Variants in DCP1B observed in about 807,000 individuals in gnomAD.
The protein encoded by DCP1B is mRNA-decapping enzyme 1B.
In DCP1B, 47 loss-of-function variants were observed where a neutral mutation model predicts 60.5. The ratio of observed to expected loss-of-function variants is 0.78; its 90% CI spans 0.61 to 0.99. The LOEUF is 0.99. Among genes scored for constraint, DCP1B ranks in the 50% least tolerant of loss-of-function variants. The probability of loss-of-function intolerance (pLI) is 0.00; values close to 1 mark genes in which losing one functional copy is unlikely to be tolerated. For missense variants in DCP1B, 725 were observed against 756.8 expected (o/e 0.96, Z 0.49); for synonymous variants, 267 against 280.3 (o/e 0.95, Z 0.47).
chr12:1,978,051 G>A (rs1349813621), intron 3 of DCP1B, among the ~76,000 whole-genome samples: 1 of 152,204 alleles, frequency 6.6e-6, no homozygotes, highest in East Asian at 1.9e-4. Context: ...TGACTCTCAA[G>A]AGAGAAGTGG....
chr12:1,978,570 T>TAA (rs1037584251), intron 3 of DCP1B, among the ~76,000 whole-genome samples: 1 of 152,222 alleles, frequency 6.6e-6, no homozygotes, highest in African/African-American at 2.4e-5. Context: ...GCACAGATCT[T>TAA]AAAGTGTTCT....
chr12:1,945,321 T>C (rs1471334608), downstream of DCP1B, among the ~76,000 whole-genome samples: 24 of 152,192 alleles, frequency 1.6e-4, no homozygotes, highest in Non-Finnish European at 2.9e-5. Flanking sequence ...CGCTTTTACA[T>C]TGTTGTTGGG....
At position 1,955,421 on chromosome 12, in the gene DCP1B, G is replaced by T; in HGVS notation, c.651+11C>A. 1 of 1,610,650 alleles carries T rather than the reference G, an allele frequency of 6.2e-7. No homozygotes were observed. The highest frequency in any genetic ancestry group is 1.1e-5 in the South Asian group (1 of 90,466). On this transcript the variant is annotated intron_variant, in intron 6 of 8. Coordinates refer to ENST00000280665, the MANE Select transcript of DCP1B (RefSeq NM_152640.5). ...AGACACACTGAATATGACAAGCAGA[G>T]AACTCCGTACCTGGTTGGGCTGAGG...
chr12:1,993,435 C>G, intron 2 of DCP1B, 44 bp from the exon 3 acceptor site: 1 of 1,592,180 alleles, frequency 6.3e-7, no homozygotes, highest in Non-Finnish European at 8.6e-7. Flanking sequence ...AGACAAATTG[C>G]TTAGTATGCT....
chr12:1,944,360 A>G (rs1415369527), downstream of DCP1B, among the ~76,000 whole-genome samples: 2 of 152,262 alleles, frequency 1.3e-5, no homozygotes, highest in Non-Finnish European at 2.9e-5. Context: ...CACACTGCCC[A>G]AAGTAATTTA....
intron 3 of DCP1B, among the ~76,000 whole-genome samples, chr12:1,978,611 T>C (rs778954736): frequency 6.6e-5 from 10 of 152,220 alleles, no homozygotes; most frequent in Admixed American, 4.6e-4. Flanking sequence ...AACACTCTTA[T>C]GTAACCAACA....
In DCP1B at chr12:1,967,911, C is replaced by A; in HGVS notation, c.320-1G>T. On this transcript the variant is annotated splice_acceptor_variant, in intron 3 of 8. Transcript: ENST00000280665. LOFTEE classifies it high-confidence loss of function. ...TAAAACCAAATTCCATAGATGGACA[C>A]TGCAAAAAACACACATCAAACAAAT... The A allele has an allele frequency of 6.2e-7, 1 of 1,610,392 alleles. No homozygotes were observed.
chr12:1,950,290 C>T lies in DCP1B; in HGVS notation c.1525-956G>A, dbSNP rs1565759980. 3 of 702,120 alleles carry T rather than the reference C, an allele frequency of 4.3e-6. 1 individual carries two copies. Among genetic ancestry groups the T allele is most frequent in the Non-Finnish European group, 7.8e-6 (3 of 384,692 alleles). The allele number at this position is 702,120 out of a possible 1,614,324, so 43.5% of individuals were successfully genotyped here. On this transcript the variant is annotated intron_variant, in intron 7 of 8. Coordinates refer to ENST00000280665, the MANE Select transcript of DCP1B (RefSeq NM_152640.5). ...CGAGGAGCGGTGCTGAGCAGTGATG[C>T]TCCCGGAGGTGGAGTCAAGCATTCT... is the stretch of plus-strand genomic sequence containing the variant.
At chr12:2,003,884 T>C (rs1271100919) in intron 1 of DCP1B, among the ~76,000 whole-genome samples, 2 of 152,180 alleles carry the variant, frequency 1.3e-5, no homozygotes, top group Non-Finnish European at 2.9e-5. Context: ...TCTGCACTTT[T>C]ATTCGTCTGC....
At chr12:1,970,713 C>T (rs2031977668) in intron 3 of DCP1B, 2 of 180,248 alleles carry the variant, frequency 1.1e-5, no homozygotes, top group Non-Finnish European at 2.3e-5. Context: ...AGCTGACAGG[C>T]TGACAGAAAC....
chr12:2,003,228 C>G (rs1310796613), intron 1 of DCP1B, among the ~76,000 whole-genome samples: 4 of 152,070 alleles, frequency 2.6e-5, no homozygotes, highest in African/African-American at 9.7e-5. Context: ...GATAAGTAGG[C>G]TTATGAATGT....
chr12:1,953,595 T>C (rs2030773367), intron 6 of DCP1B, among the ~76,000 whole-genome samples: 2 of 152,114 alleles, frequency 1.3e-5, no homozygotes, highest in South Asian at 2.1e-4. Flanking sequence ...TAGGAAATTA[T>C]ATGCACTAAA....
Position 1,948,961 on chromosome 12 carries a change from T to C in DCP1B, c.1773+125A>G. 7.7e-7 allele frequency: 1 copy of C among 1,293,326 alleles called. No homozygotes were observed. Among genetic ancestry groups the C allele is most frequent in the South Asian group, 1.5e-5 (1 of 68,880 alleles). The allele number at this position is 1,293,326 out of a possible 1,614,324, so 80.1% of individuals were successfully genotyped here. ...CAGAAGCCGCTGGGGTCAGGATGAG[T>C]TGTTACACACACCTGTTATTCTCAC... On this transcript the variant is annotated intron_variant, in intron 8 of 8. Coordinates refer to ENST00000280665, the MANE Select transcript of DCP1B (RefSeq NM_152640.5). The surrounding 1 kb of genome is among the most constrained non-coding windows in gnomAD (Gnocchi z 4.8).
In DCP1B at chr12:1,971,839, T is replaced by A. The variant is rs995971933; in HGVS notation, c.320-3929A>T. ...TTGATCTGTTCTTTTAAGATATTTATAATTTGTTTTATATTTTTACCCAAA... is the reference window on the plus strand; with the variant it reads ...TTGATCTGTTCTTTTAAGATATTTAAAATTTGTTTTATATTTTTACCCAAA... On this transcript the variant is annotated intron_variant, in intron 3 of 8. Coordinates refer to ENST00000280665, the MANE Select transcript of DCP1B (RefSeq NM_152640.5). The surrounding 1 kb of genome is among the most constrained non-coding windows in gnomAD (Gnocchi z 4.2). Among the ~76,000 whole-genome samples, 9 of 152,266 alleles carry A rather than the reference T, an allele frequency of 5.9e-5. No individual in the cohort carries two copies. Among genetic ancestry groups the A allele is most frequent in the Non-Finnish European group, 8.8e-5 (6 of 68,040 alleles).
chr12:1,961,957 G>T (rs1325634274), intron 5 of DCP1B, among the ~76,000 whole-genome samples: 1 of 152,112 alleles, frequency 6.6e-6, no homozygotes, highest in African/African-American at 2.4e-5. Context: ...ACACAGGAGA[G>T]TCTCAGGAAA....
intron 5 of DCP1B, among the ~76,000 whole-genome samples, chr12:1,958,227 C>A: frequency 6.7e-6 from 1 of 148,966 alleles, no homozygotes. Context: ...TTTCTATAAA[C>A]CTCCTGGAAG....
intron 3 of DCP1B, among the ~76,000 whole-genome samples, chr12:1,974,186 C>T (rs576197032): frequency 4.8e-4 from 73 of 152,082 alleles, no homozygotes; most frequent in Non-Finnish European, 9.0e-4. Flanking sequence ...ATCAATAACC[C>T]TTGTAATTGC....
chr12:1,971,753 A>C lies in DCP1B; in HGVS notation c.320-3843T>G, dbSNP rs2032363862. Among the ~76,000 whole-genome samples, 1 of 152,156 alleles carries C rather than the reference A, an allele frequency of 6.6e-6. No individual in the cohort carries two copies. The highest frequency in any genetic ancestry group is 6.5e-5 in the Admixed American group (1 of 15,282). On this transcript the variant is annotated intron_variant, in intron 3 of 8. Coordinates refer to ENST00000280665, the MANE Select transcript of DCP1B (RefSeq NM_152640.5). The surrounding 1 kb of genome is among the most constrained non-coding windows in gnomAD (Gnocchi z 4.2). Reference sequence around the variant, plus strand: ...TCTTATTAGCATGGTGCATTAGTTCATTTTGCATGTTCTTTGGGGATTTGC... The same window carrying C: ...TCTTATTAGCATGGTGCATTAGTTCCTTTTGCATGTTCTTTGGGGATTTGC...
At position 1,958,538 on chromosome 12, in the gene DCP1B, G is replaced by A. The variant is rs1263818582; in HGVS notation, c.523-2978C>T. The stretch of plus-strand genomic sequence containing the variant: ...CTCCCTAACGTCGCTCTGCGCAATG[G>A]CTTTTTCTATAAACCTCCTGGAAGA... On this transcript the variant is annotated intron_variant, in intron 5 of 8. Coordinates refer to ENST00000280665, the MANE Select transcript of DCP1B (RefSeq NM_152640.5). 5.7e-4 allele frequency among the ~76,000 whole-genome samples: 63 copies of A among 110,798 alleles called. 1 individual carries two copies. Among genetic ancestry groups the A allele is most frequent in the Admixed American group, 6.7e-4 (7 of 10,408 alleles). The allele number at this position is 110,798 out of a possible 152,430, so 72.7% of individuals were successfully genotyped here.
Sources: gnomAD v4.1 joint callset for allele counts (sites outside exome capture counted in the v4.1 genomes callset) on GRCh38, gnomAD v4.1.1 for gene constraint, Gnocchi (gnomAD v3.1) non-coding constraint, MANE v1.5 for transcripts, NCBI Gene and HGNC (gene_info 2026-07-23, HGNC 2026-07-21) for gene names.